The following ROBO2 variants were observed in gnomAD, a reference collection of about 807,000 sequenced individuals.
ROBO2 encodes the protein roundabout homolog 2.
Under a neutral mutation model 160.8 loss-of-function variants are expected in ROBO2, and 53 were observed. The observed-to-expected ratio is 0.33, with a 90% confidence interval of 0.26 to 0.41. The LOEUF (loss-of-function observed/expected upper bound fraction) is 0.41. Ranked by LOEUF, ROBO2 falls within the 10% of genes least tolerant of loss-of-function variation. The pLI, the probability that ROBO2 is intolerant of heterozygous loss-of-function variation, is 1.00. For synonymous variants in ROBO2, 664 were observed against 611.7 expected, an observed-to-expected ratio of 1.09 and a Z score of -1.26; for missense variants, 1,577 against 1,722.4, an observed-to-expected ratio of 0.92 and a Z score of 1.49.
At chr3:76,103,354 T>G (rs2069782265) in intron 2 of ROBO2, among the ~76,000 whole-genome samples, 1 of 152,212 alleles carries the variant, frequency 6.6e-6, no homozygotes, top group Admixed American at 6.5e-5. Flanking sequence ...CTCCTTTGCC[T>G]GGACACCTAC....
intron 2 of ROBO2, among the ~76,000 whole-genome samples, chr3:76,280,372 T>C (rs527958912): frequency 1.3e-5 from 2 of 152,114 alleles, no homozygotes; most frequent in Non-Finnish European, 1.5e-5. Flanking sequence ...CATTAAACTG[T>C]GGCCTTCTCA....
chr3:77,180,416 C>CTCTCTCTCTATATATATATA lies in ROBO2; in HGVS notation c.388+82077_388+82078insCTCTCTCTATATATATATAT, dbSNP rs1433740534. 5.9e-3 allele frequency among the ~76,000 whole-genome samples: 537 copies of CTCTCTCTCTATATATATATA among 90,644 alleles called. 4 individuals carry two copies. Among genetic ancestry groups the CTCTCTCTCTATATATATATA allele is most frequent in the Middle Eastern group, 0.031 (3 of 98 alleles). 59.5% of individuals were successfully genotyped at this position (90,644 alleles called of 152,430 possible). A position where few individuals can be genotyped will look rare whatever the true frequency, so the allele number is the denominator to read the frequency against. ...TCTCTCTCTCTCTCTCTCTCTCTCTCTATATATATATATATGTATTTTTTT... is the reference window on the plus strand; with the variant it reads ...TCTCTCTCTCTCTCTCTCTCTCTCTCTCTCTCTCTATATATATATATATATATATATATATGTATTTTTTT... On this transcript the variant is annotated intron_variant, in intron 2 of 25. Coordinates refer to ENST00000461745, the Ensembl canonical transcript of ROBO2.
intron 2 of ROBO2, among the ~76,000 whole-genome samples, chr3:77,126,466 G>A (rs2075321689): frequency 1.3e-5 from 2 of 152,004 alleles, no homozygotes; most frequent in African/African-American, 4.8e-5. Context: ...TATCCCTTGT[G>A]GTTTGGCATT....
At chr3:77,339,795 A>C (rs1295004527) in intron 2 of ROBO2, among the ~76,000 whole-genome samples, 3 of 152,064 alleles carry the variant, frequency 2.0e-5, no homozygotes, top group Non-Finnish European at 2.9e-5. Context: ...CTAGCAAAAA[A>C]CATGCAGACA....
chr3:76,697,736 T>A (rs987137148), intron 2 of ROBO2, among the ~76,000 whole-genome samples: 1 of 152,242 alleles, frequency 6.6e-6, no homozygotes, highest in African/African-American at 2.4e-5. Flanking sequence ...AAAATTCCAC[T>A]CTTTTTTGCC....
chr3:77,567,112 A>C (rs1046186487), intron 12 of ROBO2, among the ~76,000 whole-genome samples: 9 of 152,046 alleles, frequency 5.9e-5, no homozygotes, highest in African/African-American at 2.2e-4. Context: ...GAACTGGAAA[A>C]ACATTACCTA....
At chr3:76,701,994 G>T (rs944255330) in intron 2 of ROBO2, among the ~76,000 whole-genome samples, 10 of 151,980 alleles carry the variant, frequency 6.6e-5, no homozygotes, top group Admixed American at 1.3e-4. Context: ...AACTTTTTCT[G>T]CACCAATATC....
intron 2 of ROBO2, among the ~76,000 whole-genome samples, chr3:76,831,655 T>C (rs770695361): frequency 1.3e-5 from 2 of 152,222 alleles, no homozygotes; most frequent in African/African-American, 4.8e-5. Context: ...TTATCTATTT[T>C]CTATCTTTTA....
intron 2 of ROBO2, among the ~76,000 whole-genome samples, chr3:76,547,948 C>T (rs1476042088): frequency 6.6e-6 from 1 of 152,066 alleles, no homozygotes; most frequent in African/African-American, 2.4e-5. Flanking sequence ...CTGTTACAGT[C>T]CTGGTAAGAT....
chr3:77,321,916 G>C (rs961132104), intron 2 of ROBO2, among the ~76,000 whole-genome samples: 1 of 152,104 alleles, frequency 6.6e-6, no homozygotes, highest in African/African-American at 2.4e-5. Context: ...AAGTGTAAAT[G>C]ATCAAGAGTT....
chr3:76,336,720 T>C (rs1353951930), intron 2 of ROBO2, among the ~76,000 whole-genome samples: 1 of 152,218 alleles, frequency 6.6e-6, no homozygotes, highest in Non-Finnish European at 1.5e-5. Flanking sequence ...TGAGAGTTAA[T>C]GGCTAATTTA....
chr3:77,564,027 C>T (rs973327570), intron 11 of ROBO2, among the ~76,000 whole-genome samples: 35 of 151,952 alleles, frequency 2.3e-4, no homozygotes, highest in African/African-American at 7.7e-4. Context: ...TGTGCTTCTA[C>T]GTGACAGTAT....
intron 6 of ROBO2, among the ~76,000 whole-genome samples, chr3:77,537,657 C>G (rs567092146): frequency 6.6e-6 from 1 of 152,228 alleles, no homozygotes; most frequent in East Asian, 1.9e-4. Context: ...AGTCTGTTCT[C>G]ATGATACTAA....
chr3:76,194,521 C>A (rs956022082), intron 2 of ROBO2, among the ~76,000 whole-genome samples: 93 of 151,408 alleles, frequency 6.1e-4, no homozygotes, highest in African/African-American at 2.0e-3. Flanking sequence ...TCACTGAGGA[C>A]ATATATTTTT....
chr3:76,306,643 C>T (rs2071350704), intron 2 of ROBO2, among the ~76,000 whole-genome samples: 2 of 151,952 alleles, frequency 1.3e-5, no homozygotes, highest in South Asian at 4.2e-4. Flanking sequence ...GAATAATTTC[C>T]CATTATTCTT....
chr3:76,115,739 CA>C (rs1276036625), intron 2 of ROBO2, among the ~76,000 whole-genome samples: 1 of 152,020 alleles, frequency 6.6e-6, no homozygotes, highest in Non-Finnish European at 1.5e-5. Context: ...TAAGAAGCAG[CA>C]AAATGAATTT....
chr3:77,487,751 C>T (rs2085545683), intron 4 of ROBO2, among the ~76,000 whole-genome samples: 5 of 152,120 alleles, frequency 3.3e-5, no homozygotes. Flanking sequence ...CTCTAATGTC[C>T]TTTTATTACA....
intron 2 of ROBO2, among the ~76,000 whole-genome samples, chr3:76,383,446 T>C (rs536637403): frequency 4.6e-4 from 70 of 152,256 alleles, no homozygotes; most frequent in Admixed American, 9.2e-4. Context: ...CTTATGGTAC[T>C]GTTAAGAACC....
Position 76,598,549 on chromosome 3 carries a change from T to C in ROBO2, c.110-499465T>C, listed in dbSNP as rs80031842. Among the ~76,000 whole-genome samples the C allele has an allele frequency of 8.1e-3, 1,235 of 152,226 alleles. 16 individuals are homozygous for C. The highest frequency in any genetic ancestry group is 0.053 in the South Asian group (254 of 4,828). The stretch of plus-strand genomic sequence containing the variant: ...ACTACGGTTTTATAAAATGTTACCA[T>C]TGGGGGAATGGGCAAAGGGGTACAC... On this transcript the variant is annotated intron_variant, in intron 2 of 26. Coordinates refer to the ROBO2 transcript ENST00000487694.
Sources: gnomAD v4.1 joint callset for allele counts (sites outside exome capture counted in the v4.1 genomes callset) on GRCh38, gnomAD v4.1.1 for gene constraint, MANE v1.5 for transcripts, NCBI Gene and HGNC (gene_info 2026-07-23, HGNC 2026-07-21) for gene names.